The following FAM135A variants were observed in gnomAD, a reference collection of about 807,000 sequenced individuals.
FAM135A encodes the protein family with sequence similarity 135 member A, also known as protein FAM135A.
FAM135A carries 79 observed loss-of-function variants against 146.8 expected under a neutral mutation model. The ratio of observed to expected loss-of-function variants is 0.54; its 90% CI spans 0.45 to 0.65. The LOEUF is 0.65. FAM135A is among the 30% of genes least tolerant of loss of function. FAM135A has a pLI of 0.00. For missense variants in FAM135A, 1,623 were observed against 1,758.2 expected, an observed-to-expected ratio of 0.92 and a Z score of 1.38; for synonymous variants, 562 against 603.6, an observed-to-expected ratio of 0.93 and a Z score of 1.01.
chr6:70,548,371 A>C (rs1799222855), intron 20 of FAM135A, among the ~76,000 whole-genome samples: 1 of 152,240 alleles, frequency 6.6e-6, no homozygotes, highest in South Asian at 2.1e-4. Flanking sequence ...CTGTCGTAAG[A>C]ATCACATTTA....
At chr6:70,543,335 T>C (rs1468339241) in intron 20 of FAM135A, among the ~76,000 whole-genome samples, 1 of 152,174 alleles carries the variant, frequency 6.6e-6, no homozygotes, top group Admixed American at 6.5e-5. Flanking sequence ...TATTAATAGA[T>C]TTAGTTATTG....
chr6:70,475,510 T>C lies in FAM135A; in HGVS notation c.258T>C (p.Val86=). The change falls in exon 6 of 22, where the codon GTT becomes GTC. Residue 86 remains valine, a synonymous_variant. Transcript: ENST00000418814. The stretch of plus-strand genomic sequence containing the variant: ...ATGAAGAGGTTGTTTTAAATGATGT[T>C]ATGATCTTCAAAGTAAAAATGCTAT... ...YKNEEVVLND[V]MIFKVKMLLD... 6.2e-7 allele frequency: 1 copy of C among 1,603,300 alleles called. No homozygotes were observed. Among genetic ancestry groups the C allele is most frequent in the Non-Finnish European group, 8.5e-7 (1 of 1,175,266 alleles).
chr6:70,513,474 T>C (rs574351951), intron 12 of FAM135A: 2 of 151,530 alleles, frequency 1.3e-5, no homozygotes, highest in South Asian at 4.2e-4. Flanking sequence ...ATTACCTCCT[T>C]AACCATATTG....
intron 12 of FAM135A, among the ~76,000 whole-genome samples, chr6:70,515,969 A>C (rs1192678955): frequency 1.3e-5 from 2 of 152,044 alleles, no homozygotes; most frequent in Non-Finnish European, 2.9e-5. Flanking sequence ...TTATTCAAAC[A>C]TTTCAATTAT....
At chr6:70,448,967 C>T (rs536451243) in intron 4 of FAM135A, among the ~76,000 whole-genome samples, 16 of 152,304 alleles carry the variant, frequency 1.1e-4, no homozygotes, top group African/African-American at 3.4e-4. Context: ...ATGGCCATCA[C>T]ATGTCACATT....
At chr6:70,469,623 G>A (rs1781163290) in intron 5 of FAM135A, among the ~76,000 whole-genome samples, 1 of 152,094 alleles carries the variant, frequency 6.6e-6, no homozygotes, top group Non-Finnish European at 1.5e-5. Context: ...TCTAGTAAGT[G>A]GCAGAACCAG....
At position 70,551,312 on chromosome 6, in the gene FAM135A, T is replaced by G. The variant is rs562148920; in HGVS notation, c.4229-5438T>G. On this transcript the variant is annotated intron_variant, in intron 20 of 21. Coordinates refer to ENST00000418814, the MANE Select transcript of FAM135A (RefSeq NM_001162529.3). ...AGCTTAATCATTTCTAGCTTTTGATTTAAAGTAAGAAACAGAGCCAGGCAT... is the reference window on the plus strand; with the variant it reads ...AGCTTAATCATTTCTAGCTTTTGATGTAAAGTAAGAAACAGAGCCAGGCAT... Among the ~76,000 whole-genome samples the G allele has an allele frequency of 3.9e-5, 6 of 152,304 alleles. No individual in the cohort carries two copies. The East Asian group carries it at 7.7e-4, about 20-fold the overall frequency.
intron 5 of FAM135A, among the ~76,000 whole-genome samples, chr6:70,471,963 T>C (rs1457279251): frequency 2.0e-5 from 3 of 152,038 alleles, no homozygotes; most frequent in Non-Finnish European, 4.4e-5. Context: ...AATTAGGAAA[T>C]AAAGCCTTCA....
intron 20 of FAM135A, among the ~76,000 whole-genome samples, chr6:70,553,086 A>G (rs972702694): frequency 6.6e-6 from 1 of 152,076 alleles, no homozygotes; most frequent in African/African-American, 2.4e-5. Flanking sequence ...TCAATAGCAA[A>G]TGATTATATT....
intron 2 of FAM135A, among the ~76,000 whole-genome samples, chr6:70,417,861 G>A (rs1420863973): frequency 6.6e-6 from 1 of 152,148 alleles, no homozygotes; most frequent in African/African-American, 2.4e-5. Flanking sequence ...CAGATTTTTA[G>A]AACAGCCTCA....
At chr6:70,530,344 C>T (rs538266715) in intron 16 of FAM135A, among the ~76,000 whole-genome samples, 5 of 152,058 alleles carry the variant, frequency 3.3e-5, no homozygotes, top group East Asian at 3.9e-4. Context: ...ATATATATTT[C>T]GAGCCTATAG....
chr6:70,471,769 A>G (rs1178300533), intron 5 of FAM135A, among the ~76,000 whole-genome samples: 1 of 152,170 alleles, frequency 6.6e-6, no homozygotes, highest in African/African-American at 2.4e-5. Flanking sequence ...GATGGATTGC[A>G]GTCATTGGTA....
chr6:70,464,237 T>C (rs975139944), intron 5 of FAM135A, among the ~76,000 whole-genome samples: 49 of 152,226 alleles, frequency 3.2e-4, no homozygotes, highest in African/African-American at 1.1e-3. Flanking sequence ...TTTAGAAGCC[T>C]CTAATTATCT....
At chr6:70,446,621 A>G (rs951974073) in intron 4 of FAM135A, among the ~76,000 whole-genome samples, 2 of 152,202 alleles carry the variant, frequency 1.3e-5, no homozygotes, top group Admixed American at 6.5e-5. Context: ...TTTATTGTAA[A>G]TACTGAGATC....
intron 4 of FAM135A, among the ~76,000 whole-genome samples, chr6:70,450,669 C>G (rs1258805632): frequency 8.9e-6 from 1 of 112,568 alleles, no homozygotes; most frequent in Non-Finnish European, 1.8e-5. Flanking sequence ...ATTACAATTG[C>G]TTGGAAATAT....
rs956465211 is a variant in FAM135A at position 70,466,661 on chromosome 6, G to A, written c.158-8749G>A. 2.6e-5 allele frequency among the ~76,000 whole-genome samples: 4 copies of A among 152,184 alleles called. No individual in the cohort carries two copies. The South Asian group carries it at 6.2e-4, about 24-fold the overall frequency. On this transcript the variant is annotated intron_variant, in intron 5 of 21. Coordinates refer to ENST00000418814, the MANE Select transcript of FAM135A (RefSeq NM_001162529.3). ...TAAAATATTGGATATCTAACATATG[G>A]AACAGACTGATTTGCATCTGAACTT...
At chr6:70,504,583 G>A (rs1789301056) in intron 12 of FAM135A, 1 of 152,150 alleles carries the variant, frequency 6.6e-6, no homozygotes. Context: ...TATCCATATG[G>A]TAAGTATTAA....
At position 70,510,691 on chromosome 6, in the gene FAM135A, A is replaced by G. The variant is rs147476640; in HGVS notation, c.1029+7900A>G. Among the ~76,000 whole-genome samples, 74 of 152,180 alleles carry G rather than the reference A, an allele frequency of 4.9e-4. No individual in the cohort carries two copies. The East Asian group carries it at 0.012, about 25-fold the overall frequency. On this transcript the variant is annotated intron_variant, in intron 12 of 21. Transcript: ENST00000418814. Reference sequence around the variant, plus strand: ...ATTGATAGACATTTAAGTTCTTTCTACCTATTGACTACTATGAATAGTTGC... The same window carrying G: ...ATTGATAGACATTTAAGTTCTTTCTGCCTATTGACTACTATGAATAGTTGC...
At chr6:70,469,289 C>A (rs1284588913) in intron 5 of FAM135A, among the ~76,000 whole-genome samples, 3 of 152,108 alleles carry the variant, frequency 2.0e-5, no homozygotes, top group Admixed American at 6.5e-5. Context: ...GGAAGTTGCA[C>A]ATCTGTTGCC....
Sources: allele counts gnomAD v4.1 joint callset (sites outside exome capture counted in the v4.1 genomes callset), GRCh38; gene constraint gnomAD v4.1.1; transcripts MANE v1.5; gene names NCBI Gene and HGNC (gene_info 2026-07-23, HGNC 2026-07-21).